The following TBCE variants were observed in gnomAD, a reference collection of about 807,000 sequenced individuals.
The protein encoded by TBCE is tubulin folding cofactor E, also known as tubulin-specific chaperone E.
A neutral mutation model predicts 77.0 loss-of-function variants in TBCE; 53 were observed. The observed-to-expected ratio is 0.69, with a 90% CI of 0.55 to 0.87. TBCE has a LOEUF of 0.87. TBCE is among the 40% of genes least tolerant of loss of function. The pLI is 0.00. For missense variants in TBCE, 624 were observed against 622.4 expected (o/e 1.00, Z -0.03); for synonymous variants, 235 against 241.3 (o/e 0.97, Z 0.24).
chr1:235,414,794 C>T (rs532480308), intron 4 of TBCE, 176 bp downstream of exon 4: 1 of 656,758 alleles, frequency 1.5e-6, no homozygotes. Flanking sequence ...AATTAAAATT[C>T]TTATGTTAGC....
chr1:235,446,162 A>G (rs1444843997), intron 15 of TBCE, among the ~76,000 whole-genome samples: 2 of 151,668 alleles, frequency 1.3e-5, no homozygotes, highest in Non-Finnish European at 1.5e-5. Context: ...GTACGTCAAT[A>G]TATTATAAAA....
At chr1:235,432,927 TG>T (rs1681188181) in intron 7 of TBCE, 7 of 1,164,404 alleles carry the variant, frequency 6.0e-6, no homozygotes, top group East Asian at 3.5e-5. Flanking sequence ...TTTTTTTTTT[TG>T]TAAAAAAAAA....
At chr1:235,388,847 T>C (rs531045476) in intron 2 of TBCE, among the ~76,000 whole-genome samples, 91 of 152,350 alleles carry the variant, frequency 6.0e-4, no homozygotes, top group African/African-American at 1.9e-3. Context: ...TGGGCTATGG[T>C]ACAGCCTCAA....
chr1:235,434,841 A>C (rs1206877618), intron 8 of TBCE, among the ~76,000 whole-genome samples: 2 of 152,024 alleles, frequency 1.3e-5, no homozygotes, highest in Non-Finnish European at 2.9e-5. Flanking sequence ...GAAGTTCTGT[A>C]GGATATGCTA....
chr1:235,443,718 G>A (rs1234266866), intron 15 of TBCE, among the ~76,000 whole-genome samples: 3 of 152,174 alleles, frequency 2.0e-5, no homozygotes, highest in African/African-American at 4.8e-5. Flanking sequence ...TGACTGATTA[G>A]GAGTCCCTGC....
At chr1:235,389,622 C>G (rs771357553) in intron 2 of TBCE, among the ~76,000 whole-genome samples, 1 of 152,040 alleles carries the variant, frequency 6.6e-6, no homozygotes, top group Non-Finnish European at 1.5e-5. Flanking sequence ...TGAGCCACCA[C>G]GCCTGGCCTG....
rs532248532 is a variant in TBCE, at chr1:235,431,407, G to A, written c.660+603G>A. Among the ~76,000 whole-genome samples, 12 of 151,654 alleles carry A rather than the reference G, an allele frequency of 7.9e-5. 1 individual carries two copies. In the South Asian group the frequency reaches 2.5e-3, roughly 32 times the overall value. ...ACGGAGTTTTACTCTTGTTGCCCAG[G>A]CTAGAGTGCAATGGTGCAACCTTGG... is the stretch of plus-strand genomic sequence containing the variant. On this transcript the variant is annotated intron_variant, in intron 7 of 16. Transcript: ENST00000642610.
intron 3 of TBCE, among the ~76,000 whole-genome samples, chr1:235,412,520 G>C (rs112363195): frequency 1.3e-5 from 2 of 150,392 alleles, no homozygotes; most frequent in African/African-American, 4.9e-5. Flanking sequence ...GTGAGCTACC[G>C]CACCTGATCT....
At position 235,452,138 on chromosome 1, in the gene TBCE, G is replaced by T; in HGVS notation, c.*3376G>T. 1 of 152,260 alleles carries T rather than the reference G, an allele frequency of 6.6e-6. No homozygotes were observed. The highest frequency in any genetic ancestry group is 1.5e-5 in the Non-Finnish European group (1 of 68,118). The allele number at this position is 152,260 out of a possible 1,614,324, so 9.4% of individuals were successfully genotyped here. A position where few individuals can be genotyped will look rare whatever the true frequency, so the allele number is the denominator to read the frequency against. On this transcript the variant is annotated 3_prime_UTR_variant, in exon 17 of 17. Coordinates refer to ENST00000642610, the MANE Select transcript of TBCE (RefSeq NM_003193.5). ...TGCCATTCTCCTGCCTCAGCCTTCT[G>T]AGTAGCTGGGACCACAGGCGCCCGC...
At chr1:235,381,920 C>T (rs1329800036) in intron 2 of TBCE, among the ~76,000 whole-genome samples, 2 of 144,032 alleles carry the variant, frequency 1.4e-5, no homozygotes, top group African/African-American at 5.1e-5. Flanking sequence ...CCCATTAACT[C>T]GTCATTTAGC....
rs1399841257 is a variant in TBCE at position 235,449,509 on chromosome 1, G to A, written c.*747G>A. On this transcript the variant is annotated 3_prime_UTR_variant, in exon 17 of 17. Coordinates refer to ENST00000642610, the MANE Select transcript of TBCE (RefSeq NM_003193.5). ...CACAACTTTAGCATTTAAAAACTAT[G>A]AGTACTAAACTGTGACCTTCAGGAT... The A allele has an allele frequency of 6.6e-6, 1 of 152,646 alleles. No homozygotes were observed. Among genetic ancestry groups the A allele is most frequent in the Non-Finnish European group, 1.5e-5 (1 of 68,414 alleles). The allele number at this position is 152,646 out of a possible 1,614,324, so 9.5% of individuals were successfully genotyped here. A position where few individuals can be genotyped will look rare whatever the true frequency, so the allele number is the denominator to read the frequency against.
intron 2 of TBCE, among the ~76,000 whole-genome samples, chr1:235,401,018 T>A (rs1340741322): frequency 1.3e-4 from 20 of 151,684 alleles, no homozygotes; most frequent in Non-Finnish European, 2.4e-4. Context: ...TTTTTTTTTT[T>A]AATTTTTATT....
At chr1:235,431,367 T>C (rs1681073849) in intron 7 of TBCE, among the ~76,000 whole-genome samples, 1 of 151,804 alleles carries the variant, frequency 6.6e-6, no homozygotes, top group Admixed American at 6.6e-5. Context: ...CACTTTCTTT[T>C]TTTTTTTTTT....
chr1:235,377,884 C>T (rs1406410347), intron 1 of TBCE, among the ~76,000 whole-genome samples: 1 of 151,926 alleles, frequency 6.6e-6, no homozygotes, highest in African/African-American at 2.4e-5. Context: ...AACTCCTGAC[C>T]TTGTGATCCA....
chr1:235,371,038 CTTTTTTTTTTTTTTT>C (rs71174417), intron 1 of TBCE, among the ~76,000 whole-genome samples: 467 of 23,290 alleles, frequency 0.02, 4 homozygotes, highest in African/African-American at 0.058. Flanking sequence ...TCACGCCTGG[CTTTTTTTTTTTTTTT>C]TTTTTTTTTT....
In TBCE at chr1:235,435,815, C is replaced by G; in HGVS notation, c.808C>G (p.Leu270Val). The change falls in exon 9 of 17, where the codon CTG becomes GTG. Residue 270 changes from leucine (L) to valine (V), a missense_variant. By Grantham distance (32) the Leu-to-Val change is conservative (BLOSUM62 1). Coordinates refer to ENST00000642610, the MANE Select transcript of TBCE (RefSeq NM_003193.5). ...SSNQLIDENQ[L>V]YLIAHLPRLE... The stretch of plus-strand genomic sequence containing the variant: ...TAATCAATTAATTGATGAAAATCAG[C>G]TGTATCTGATAGCCCACCTGCCCAG... The G allele has an allele frequency of 6.2e-7, 1 of 1,614,134 alleles. No individual in the cohort carries two copies.
At chr1:235,430,953 G>C (rs747554884) in intron 7 of TBCE, 149 bp downstream of exon 7, 3 of 723,392 alleles carry the variant, frequency 4.1e-6, no homozygotes, top group Non-Finnish European at 7.1e-6. Context: ...ATTCATTAAA[G>C]TGCCTTATAA....
intron 2 of TBCE, 151 bp from the exon 3 acceptor site, chr1:235,401,352 C>T: frequency 1.5e-6 from 1 of 683,488 alleles, no homozygotes; most frequent in South Asian, 1.5e-5. Flanking sequence ...TGATTGAAGT[C>T]CTGAGTATAA....
intron 2 of TBCE, among the ~76,000 whole-genome samples, chr1:235,381,094 C>G (rs1179160132): frequency 6.6e-6 from 1 of 152,030 alleles, no homozygotes; most frequent in East Asian, 1.9e-4. Flanking sequence ...AGGAGGCTTT[C>G]TATGAACTGG....
Sources: allele counts gnomAD v4.1 joint callset (sites outside exome capture counted in the v4.1 genomes callset), GRCh38; gene constraint gnomAD v4.1.1; transcripts MANE v1.5; gene names NCBI Gene and HGNC (gene_info 2026-07-23, HGNC 2026-07-21).